Variants in HELZ2 observed in about 807,000 individuals in gnomAD.
HELZ2 encodes 3'-5' exoribonuclease HELZ2.
Under a neutral mutation model 208.8 loss-of-function variants are expected in HELZ2, and 143 were observed. The observed-to-expected ratio is 0.68, with a 90% CI of 0.60 to 0.79. HELZ2 has a LOEUF of 0.79. Among genes scored for constraint, HELZ2 ranks in the 30% least tolerant of loss-of-function variants. The pLI, the probability that HELZ2 is intolerant of heterozygous loss-of-function variation, is 0.00. For missense variants in HELZ2, 3,690 were observed against 3,794.5 expected (o/e 0.97, Z 0.72); for synonymous variants, 1,705 against 1,693.7 (o/e 1.01, Z -0.16).
At chr20:63,566,308 TGAG>T (rs2082956453) in intron 7 of HELZ2, 67 bp downstream of exon 8, 1 of 1,515,190 alleles carries the variant, frequency 6.6e-7, no homozygotes. Flanking sequence ...GATGCCAGGC[TGAG>T]GAGTGGGCCG....
At chr20:63,560,198 C>G in exon 17 of HELZ2, 1 of 1,556,012 alleles carries the variant, frequency 6.4e-7, no homozygotes, top group South Asian at 1.2e-5. Context: ...GAGGACACGG[C>G]CACCCCGGCG....
chr20:63,573,891 C>T (rs1351848474), upstream of HELZ2, among the ~76,000 whole-genome samples: 2 of 152,154 alleles, frequency 1.3e-5, no homozygotes, highest in African/African-American at 4.8e-5. This position sits in a 1 kb window ranked among gnomAD's most constrained non-coding sequence, Gnocchi z 4.9. Context: ...AGAAAACATC[C>T]GAGTCTGCCA....
At chr20:63,561,779 G>C in intron 11 of HELZ2, 34 bp from the exon 13 acceptor site, 1 of 1,559,434 alleles carries the variant, frequency 6.4e-7, no homozygotes, top group Non-Finnish European at 8.7e-7. Context: ...GTCCTGCCCC[G>C]CGTGCCAGCT....
downstream of HELZ2, chr20:63,559,074 G>C: frequency 1.4e-6 from 1 of 701,774 alleles, no homozygotes; most frequent in Non-Finnish European, 2.3e-6. Flanking sequence ...AGAGTGTGGG[G>C]ACCGGCCCTT....
intron 1 of HELZ2, 64 bp from the exon 3 acceptor site, chr20:63,570,932 C>A (rs1048245369): frequency 1.5e-6 from 2 of 1,362,616 alleles, no homozygotes; most frequent in South Asian, 1.4e-5. Flanking sequence ...GTTCAAAGGC[C>A]GGGACCCCTC....
In HELZ2 at chr20:63,562,628, C is replaced by T. The variant is rs765834409; in HGVS notation, c.6194G>A (p.Arg2065Gln). 1.6e-5 allele frequency: 25 copies of T among 1,591,282 alleles called. No individual in the cohort carries two copies. The highest frequency in any genetic ancestry group is 1.4e-4 in the Admixed American group (8 of 56,920). ...CATGTGGTGGACGAAGAGGTGCACC[C>T]GTCTGGGAGCCTCCTGCCGGTCTGC... is the stretch of plus-strand genomic sequence containing the variant. Residue 2065 changes from arginine to glutamine, a missense_variant, in exon 8 of 19, where the codon CGG becomes CAG. Around this residue, in one of 3 missense-constraint regions of HELZ2, gnomAD observed 2,564 missense variants for 2,580.5 expected, o/e 0.99. Coordinates refer to ENST00000467148, the Ensembl canonical transcript of HELZ2.
At chr20:63,566,794 T>C (rs924232687) in intron 6 of HELZ2, 50 bp downstream of exon 7, 5 of 1,502,824 alleles carry the variant, frequency 3.3e-6, no homozygotes, top group Non-Finnish European at 1.8e-6. Flanking sequence ...GAGCTCCCCC[T>C]CCCCCAGCAG....
Position 63,566,372 on chromosome 20 carries a change from A to G in HELZ2, c.2590+6T>C. The G allele has an allele frequency of 3.9e-6, 6 of 1,547,818 alleles. No homozygotes were observed. Among genetic ancestry groups the G allele is most frequent in the Non-Finnish European group, 5.2e-6 (6 of 1,146,508 alleles). Reference sequence around the variant, plus strand: ...CTGGCAGCACCTGGCCCCGCTGGTCACCCACCTGGCAGGATCTCAAAACTG... The same window carrying G: ...CTGGCAGCACCTGGCCCCGCTGGTCGCCCACCTGGCAGGATCTCAAAACTG... On this transcript the variant is annotated splice_donor_region_variant and intron_variant, in intron 7 of 18. Coordinates refer to ENST00000467148, the Ensembl canonical transcript of HELZ2.
chr20:63,570,405 G>T, intron 3 of HELZ2, 99 bp downstream of exon 4: 2 of 954,264 alleles, frequency 2.1e-6, no homozygotes, highest in Non-Finnish European at 3.3e-6. Context: ...GCAGTGCCTC[G>T]GTATTAGCTC....
chr20:63,566,732 G>GC (rs1435224405), intron 6 of HELZ2, 112 bp downstream of exon 7: 2 of 1,091,134 alleles, frequency 1.8e-6, no homozygotes, highest in Non-Finnish European at 2.6e-6. Flanking sequence ...AAATACTGCA[G>GC]CCCCCTCTTA....
exon 6 of HELZ2, chr20:63,567,528 C>G: frequency 6.4e-7 from 1 of 1,565,114 alleles, no homozygotes; most frequent in Non-Finnish European, 8.7e-7. Context: ...CCGTCTGGCT[C>G]AGCGGCCGGT....
exon 6 of HELZ2, chr20:63,567,511 A>C: frequency 6.4e-7 from 1 of 1,560,214 alleles, no homozygotes; most frequent in Non-Finnish European, 8.7e-7. Flanking sequence ...CTGCAGCGTG[A>C]CTGGGTCCGT....
chr20:63,572,596 G>A (rs555774379), upstream of HELZ2: 163 of 558,320 alleles, frequency 2.9e-4, 2 homozygotes, highest in South Asian at 3.6e-3. Context: ...GGGGGTCCAC[G>A]CGACAGATGC....
exon 8 of HELZ2, chr20:63,564,637 C>A: frequency 6.4e-7 from 1 of 1,566,106 alleles, no homozygotes; most frequent in Admixed American, 1.9e-5. Context: ...GGGCATAGAA[C>A]GCAGCGCCCT....
At chr20:63,561,710 G>A (rs756636547) in exon 12 of HELZ2, 55 of 1,611,046 alleles carry the variant, frequency 3.4e-5, no homozygotes, top group Non-Finnish European at 4.6e-5. Context: ...CTGTACACAC[G>A]GAGGGGCTTC....
exon 8 of HELZ2, chr20:63,564,098 G>A: frequency 6.2e-7 from 1 of 1,609,166 alleles, no homozygotes; most frequent in Non-Finnish European, 8.5e-7. Flanking sequence ...CAGTGACAGG[G>A]GCACCCGGTC....
At chr20:63,568,754 A>C in exon 5 of HELZ2, 1 of 1,604,652 alleles carries the variant, frequency 6.2e-7, no homozygotes, top group East Asian at 2.2e-5. Context: ...CAGCAGCCAC[A>C]GCGCCTGCTC....
At chr20:63,570,400 G>T (rs2083005179) in intron 3 of HELZ2, 104 bp downstream of exon 4, 1 of 908,874 alleles carries the variant, frequency 1.1e-6, no homozygotes, top group Non-Finnish European at 1.8e-6. Flanking sequence ...GAGCGGCAGT[G>T]CCTCGGTATT....
rs748645755 is a variant in HELZ2, at chr20:63,564,179, G to A, written c.4643C>T (p.Thr1548Met). The change falls in exon 8 of 19, where the codon ACG (threonine) becomes ATG (methionine). Residue 1548 changes from threonine (T) to methionine (M), a missense_variant. Coordinates refer to ENST00000467148, the Ensembl canonical transcript of HELZ2. ...TGGCTGCCACCGCAGAGGCGTGACC[G>A]TCCGCGTGCACTCGCTGCCCACCAG... 47 of 1,611,314 alleles carry A rather than the reference G, an allele frequency of 2.9e-5. 1 individual carries two copies. Among genetic ancestry groups the A allele is most frequent in the Admixed American group, 2.5e-4 (15 of 59,892 alleles).
Sources: gnomAD v4.1 joint callset for allele counts (sites outside exome capture counted in the v4.1 genomes callset) on GRCh38, gnomAD v4.1.1 for gene constraint, gnomAD v4.1.1 regional missense constraint, Gnocchi (gnomAD v3.1) non-coding constraint, MANE v1.5 for transcripts, NCBI Gene and HGNC (gene_info 2026-07-23, HGNC 2026-07-21) for gene names.